Variants in STX8 observed in about 807,000 individuals in gnomAD.
STX8 encodes syntaxin 8.
In STX8, 23 loss-of-function variants were observed where a neutral mutation model predicts 37.5. The observed-to-expected ratio is 0.61, with a 90% CI of 0.44 to 0.87. The LOEUF (loss-of-function observed/expected upper bound fraction) is 0.87, where lower values mean the gene tolerates loss of function less well. STX8 is among the 40% of genes least tolerant of loss of function. The probability of loss-of-function intolerance (pLI) is 0.00; values close to 1 mark genes in which losing one functional copy is unlikely to be tolerated. For missense variants in STX8, 313 were observed against 284.7 expected (o/e 1.10, Z -0.71); for synonymous variants, 115 against 99.1 (o/e 1.16, Z -0.95).
At chr17:9,523,311 CAAAAAA>C (rs34297134) in intron 4 of STX8, among the ~76,000 whole-genome samples, 1 of 123,282 alleles carries the variant, frequency 8.1e-6, no homozygotes. Flanking sequence ...GACTCCATCT[CAAAAAA>C]AAAAAAAAAA....
Position 9,355,704 on chromosome 17 carries a change from T to G in STX8, c.643+22848A>C, listed in dbSNP as rs545022930. On this transcript the variant is annotated intron_variant, in intron 7 of 7. Transcript: ENST00000306357. ...TTTGTATTTTTAGTAGAGATGGGAT[T>G]TCACCATGTTGGTCAGGCTGGTCTC... Among the ~76,000 whole-genome samples the G allele has an allele frequency of 2.0e-5, 3 of 152,104 alleles. No homozygotes were observed. In the East Asian group the frequency reaches 5.8e-4, roughly 29 times the overall value.
intron 5 of STX8, among the ~76,000 whole-genome samples, chr17:9,504,200 G>A (rs1323813875): frequency 2.0e-5 from 3 of 151,966 alleles, no homozygotes; most frequent in Admixed American, 2.0e-4. Flanking sequence ...AAGGTCTAAG[G>A]AAATACATAT....
At chr17:9,308,721 C>CAAAA (rs1171647976) in intron 7 of STX8, among the ~76,000 whole-genome samples, 14 of 71,340 alleles carry the variant, frequency 2.0e-4, no homozygotes, top group South Asian at 5.6e-4. Context: ...GAAACTCCGT[C>CAAAA]AAAAAAAAAA....
chr17:9,566,877 G>A (rs1423834381), intron 2 of STX8, among the ~76,000 whole-genome samples: 1 of 152,122 alleles, frequency 6.6e-6, no homozygotes, highest in African/African-American at 2.4e-5. Flanking sequence ...TCAACCTGAT[G>A]CCCACCAATG....
At chr17:9,431,879 G>C (rs1460730722) in intron 6 of STX8, among the ~76,000 whole-genome samples, 1 of 152,112 alleles carries the variant, frequency 6.6e-6, no homozygotes. Context: ...TGAAGTCAGA[G>C]TGTTCCTAGG....
At chr17:9,363,953 T>G (rs1911144898) in intron 7 of STX8, among the ~76,000 whole-genome samples, 2 of 152,302 alleles carry the variant, frequency 1.3e-5, no homozygotes, top group South Asian at 2.1e-4. Flanking sequence ...TCAATTTGCC[T>G]GGATTAAGCT....
At chr17:9,302,913 TTA>T (rs1364865887) in intron 7 of STX8, among the ~76,000 whole-genome samples, 2 of 151,616 alleles carry the variant, frequency 1.3e-5, no homozygotes, top group African/African-American at 4.9e-5. Context: ...GTAGAACTAT[TTA>T]TGTTTCTCAG....
At chr17:9,434,073 G>A (rs192679110) in intron 6 of STX8, among the ~76,000 whole-genome samples, 3 of 152,066 alleles carry the variant, frequency 2.0e-5, no homozygotes, top group African/African-American at 4.8e-5. Context: ...GCGCAATCTC[G>A]GCTCACTGCA....
intron 4 of STX8, among the ~76,000 whole-genome samples, chr17:9,519,321 T>A (rs1414143704): frequency 6.6e-6 from 1 of 152,174 alleles, no homozygotes; most frequent in Non-Finnish European, 1.5e-5. Flanking sequence ...CGCTCTCTAT[T>A]TTGGTGAGCA....
At chr17:9,356,986 T>TA (rs869061024) in intron 7 of STX8, among the ~76,000 whole-genome samples, 62 of 109,040 alleles carry the variant, frequency 5.7e-4, no homozygotes, top group Non-Finnish European at 9.2e-4. Flanking sequence ...TTTTTTTTTT[T>TA]AGGCAAAGTC....
At chr17:9,298,281 C>T (rs1215434233) in intron 7 of STX8, among the ~76,000 whole-genome samples, 7 of 152,128 alleles carry the variant, frequency 4.6e-5, no homozygotes, top group Admixed American at 4.6e-4. Context: ...ACATGTGGAG[C>T]GTGAGTTGGC....
At chr17:9,289,779 C>CA (rs1010424088) in intron 7 of STX8, among the ~76,000 whole-genome samples, 13 of 131,528 alleles carry the variant, frequency 9.9e-5, no homozygotes, top group African/African-American at 3.4e-4. Context: ...GACTCCGTCT[C>CA]AAAAAAACAA....
intron 3 of STX8, among the ~76,000 whole-genome samples, chr17:9,551,954 G>GAA (rs1008337889): frequency 1.4e-5 from 2 of 140,448 alleles, no homozygotes; most frequent in Admixed American, 7.1e-5. Context: ...GGATGTTCAA[G>GAA]AAAAAAAAAA....
intron 7 of STX8, among the ~76,000 whole-genome samples, chr17:9,348,033 A>C (rs1910587827): frequency 6.6e-6 from 1 of 152,116 alleles, no homozygotes; most frequent in Non-Finnish European, 1.5e-5. Context: ...TTTGTGAAAT[A>C]AATAATGGTG....
At chr17:9,430,969 A>C (rs1913943685) in intron 6 of STX8, among the ~76,000 whole-genome samples, 1 of 151,056 alleles carries the variant, frequency 6.6e-6, no homozygotes, top group Non-Finnish European at 1.5e-5. Flanking sequence ...TTTTTAATAA[A>C]TCATGAGTTG....
chr17:9,262,223 A>C lies in STX8; in HGVS notation c.644-11578T>G, dbSNP rs142286207. The stretch of plus-strand genomic sequence containing the variant: ...CTGAATTGAGCCCTGCGTTCCATAC[A>C]TCGAAACAACATATTCCTGGGGTGG... On this transcript the variant is annotated intron_variant, in intron 7 of 7. Coordinates refer to ENST00000306357, the MANE Select transcript of STX8 (RefSeq NM_004853.3). 3.2e-4 allele frequency among the ~76,000 whole-genome samples: 48 copies of C among 152,356 alleles called. 1 individual carries two copies. In the East Asian group the frequency reaches 7.9e-3, roughly 25 times the overall value.
At chr17:9,253,246 A>T (rs560032907) in intron 7 of STX8, among the ~76,000 whole-genome samples, 2 of 55,068 alleles carry the variant, frequency 3.6e-5, no homozygotes, top group Non-Finnish European at 1.1e-4. Flanking sequence ...GTGTGTGTGA[A>T]TATCTTAGTC....
intron 4 of STX8, among the ~76,000 whole-genome samples, chr17:9,520,112 G>C (rs112148020): frequency 7.2e-5 from 11 of 152,168 alleles, no homozygotes; most frequent in African/African-American, 2.7e-4. Context: ...ATATGCCAGA[G>C]CATAAGCATT....
chr17:9,287,264 G>T (rs747904124), intron 7 of STX8, among the ~76,000 whole-genome samples: 1 of 152,088 alleles, frequency 6.6e-6, no homozygotes, highest in Non-Finnish European at 1.5e-5. Context: ...TTCTCCTGCA[G>T]GTGAGGCTAA....
Sources: allele counts gnomAD v4.1 joint callset (sites outside exome capture counted in the v4.1 genomes callset), GRCh38; gene constraint gnomAD v4.1.1; transcripts MANE v1.5; gene names NCBI Gene and HGNC (gene_info 2026-07-23, HGNC 2026-07-21).